C11orf65: variants seen among roughly 807,000 people sequenced by gnomAD.
The protein encoded by C11orf65 is protein MFI.
Under a neutral mutation model 35.3 loss-of-function variants are expected in C11orf65, and 38 were observed. That is an observed-to-expected ratio of 1.08 (90% CI 0.83 to 1.41). C11orf65 has a LOEUF of 1.41. Among genes scored for constraint, C11orf65 ranks in the 40% most tolerant of loss-of-function variants. The pLI, the probability that C11orf65 is intolerant of heterozygous loss-of-function variation, is 0.00. For synonymous variants in C11orf65, 105 were observed against 114.4 expected (o/e 0.92, Z 0.53); for missense variants, 370 against 367.1 (o/e 1.01, Z -0.06).
chr11:108,366,846 C>A (rs2091358882), intron 2 of C11orf65: 3 of 229,730 alleles, frequency 1.3e-5, no homozygotes, highest in Non-Finnish European at 2.6e-5. Context: ...ACATTTAATT[C>A]CCACTGCCTG....
chr11:108,374,577 C>T (rs1449778770), intron 2 of C11orf65, among the ~76,000 whole-genome samples: 4 of 152,128 alleles, frequency 2.6e-5, no homozygotes, highest in Non-Finnish European at 4.4e-5. Context: ...AAAAGGAGAG[C>T]GCCTCTCCTC....
At chr11:108,422,443 TA>T (rs2092833085) in intron 3 of C11orf65, among the ~76,000 whole-genome samples, 1 of 152,090 alleles carries the variant, frequency 6.6e-6, no homozygotes, top group Non-Finnish European at 1.5e-5. Context: ...ACGACAACAG[TA>T]GAAAAATAGA....
intron 2 of C11orf65, chr11:108,354,975 CAT>C (rs2089720167): frequency 4.0e-6 from 4 of 1,004,306 alleles, no homozygotes; most frequent in East Asian, 2.4e-5. Context: ...TTCATTTTAA[CAT>C]AGGGGGATGT....
At chr11:108,462,717 T>C (rs1249029400) in intron 1 of C11orf65, 2 of 152,240 alleles carry the variant, frequency 1.3e-5, no homozygotes, top group Non-Finnish European at 2.9e-5. Context: ...TACTTAGTCT[T>C]AAGAGTTATT....
At chr11:108,467,216 G>C (rs995941127) in intron 1 of C11orf65, among the ~76,000 whole-genome samples, 1 of 152,146 alleles carries the variant, frequency 6.6e-6, no homozygotes, top group Non-Finnish European at 1.5e-5. Flanking sequence ...CAACCAGCCC[G>C]ACGCAACTTC....
chr11:108,364,985 T>C (rs2137854997), intron 2 of C11orf65: 3 of 1,410,504 alleles, frequency 2.1e-6, no homozygotes, highest in Non-Finnish European at 2.9e-6. Context: ...TCAACTACCA[T>C]GTGACTGGCT....
chr11:108,434,945 C>A (rs2093041109), intron 2 of C11orf65, among the ~76,000 whole-genome samples: 2 of 152,110 alleles, frequency 1.3e-5, no homozygotes, highest in South Asian at 2.1e-4. Context: ...AAGTAACTGG[C>A]CTGATAGAAT....
intron 1 of C11orf65, among the ~76,000 whole-genome samples, chr11:108,462,396 T>G (rs1386068599): frequency 6.6e-6 from 1 of 152,226 alleles, no homozygotes; most frequent in Non-Finnish European, 1.5e-5. Context: ...TATTTTTTTC[T>G]AGTTCCAGCA....
intron 3 of C11orf65, among the ~76,000 whole-genome samples, chr11:108,410,545 G>C (rs2092635656): frequency 6.6e-6 from 1 of 151,870 alleles, no homozygotes; most frequent in African/African-American, 2.4e-5. Context: ...TGTAGGTAAG[G>C]GATTTCTCCA....
At chr11:108,372,425 C>G (rs1273710557) in intron 2 of C11orf65, among the ~76,000 whole-genome samples, 1 of 152,210 alleles carries the variant, frequency 6.6e-6, no homozygotes, top group African/African-American at 2.4e-5. Flanking sequence ...AACTCCTGAC[C>G]TCAGTGATAT....
chr11:108,371,547 G>A (rs1309451294), intron 2 of C11orf65, among the ~76,000 whole-genome samples: 2 of 152,058 alleles, frequency 1.3e-5, no homozygotes, highest in Non-Finnish European at 2.9e-5. Context: ...CGTCTATGTT[G>A]TAATATATTG....
chr11:108,440,787 T>G (rs1485606758), intron 2 of C11orf65, among the ~76,000 whole-genome samples: 1 of 152,124 alleles, frequency 6.6e-6, no homozygotes, highest in African/African-American at 2.4e-5. Context: ...ATTTTAGTGG[T>G]TTTAATGGTA....
At chr11:108,338,443 C>A (rs920040025) in intron 2 of C11orf65, among the ~76,000 whole-genome samples, 5 of 152,170 alleles carry the variant, frequency 3.3e-5, no homozygotes, top group Non-Finnish European at 7.3e-5. Context: ...TCACTTGAGG[C>A]CAGGAGTTTG....
intron 6 of C11orf65, among the ~76,000 whole-genome samples, chr11:108,316,753 C>CAAAA (rs58165074): frequency 9.7e-5 from 7 of 72,442 alleles, no homozygotes; most frequent in African/African-American, 2.8e-4. Context: ...ACTAAAAATA[C>CAAAA]AAAAAAAAAA....
chr11:108,338,227 T>A (rs963687077), intron 2 of C11orf65, among the ~76,000 whole-genome samples: 3 of 152,060 alleles, frequency 2.0e-5, no homozygotes, highest in Non-Finnish European at 2.9e-5. Context: ...GGCACATGCC[T>A]CTAGTCTCAG....
intron 3 of C11orf65, chr11:108,332,648 A>G: frequency 8.8e-7 from 1 of 1,135,430 alleles, no homozygotes. Flanking sequence ...AATTATAATC[A>G]TTCCATTGTC....
chr11:108,459,245 T>A (rs547188209), intron 2 of C11orf65, among the ~76,000 whole-genome samples: 38 of 152,216 alleles, frequency 2.5e-4, no homozygotes, highest in Non-Finnish European at 4.3e-4. Context: ...TTTTCATTTT[T>A]CATTTTTTTT....
intron 2 of C11orf65, chr11:108,345,616 C>CT (rs1199580732): frequency 1.3e-6 from 1 of 747,444 alleles, no homozygotes. Flanking sequence ...CTGTTAGCTT[C>CT]TTGTAGGTAA....
chr11:108,449,801 T>C (rs1358600736), intron 2 of C11orf65, among the ~76,000 whole-genome samples: 1 of 151,920 alleles, frequency 6.6e-6, no homozygotes, highest in Non-Finnish European at 1.5e-5. Flanking sequence ...CTAATTAAAC[T>C]TAAGAGCTTC....
Sources: gnomAD v4.1 joint callset for allele counts (sites outside exome capture counted in the v4.1 genomes callset) on GRCh38, gnomAD v4.1.1 for gene constraint, MANE v1.5 for transcripts, NCBI Gene and HGNC (gene_info 2026-07-23, HGNC 2026-07-21) for gene names.